PYY: variants seen among roughly 807,000 people sequenced by gnomAD.
The protein encoded by PYY is peptide tyrosine tyrosine.
PYY carries 12 observed loss-of-function variants against 10.3 expected under a neutral mutation model. The ratio of observed to expected loss-of-function variants is 1.17; its 90% CI spans 0.75 to 1.89. PYY has a LOEUF of 1.89. Among genes scored for constraint, PYY ranks in the 40% most tolerant of loss-of-function variants. The pLI is 0.00. For missense variants in PYY, 141 were observed against 134.0 expected (o/e 1.05, Z -0.26); for synonymous variants, 66 against 62.0 (o/e 1.06, Z -0.30).
intron 1 of PYY, among the ~76,000 whole-genome samples, chr17:43,988,436 G>A (rs1215550912): frequency 3.3e-5 from 5 of 152,106 alleles, no homozygotes; most frequent in African/African-American, 1.2e-4. Flanking sequence ...AGACCACCTC[G>A]CTTTGCCAGG....
In PYY at chr17:44,001,402, G is replaced by A. The variant is rs189619402; in HGVS notation, c.-463+2989C>T. Among the ~76,000 whole-genome samples the A allele has an allele frequency of 1.7e-3, 257 of 152,210 alleles. 2 individuals carry two copies. Among genetic ancestry groups the A allele is most frequent in the Non-Finnish European group, 2.7e-3 (187 of 68,016 alleles). ...AACAAAATAACACCCACCTTTAAAG[G>A]AAGAAAAATGTGAGCTGGACCCATA... On this transcript the variant is annotated intron_variant, in intron 1 of 6. Transcript: ENST00000360085.
In PYY at chr17:44,002,192, T is replaced by TC. The variant is rs1027571011; in HGVS notation, c.-463+2198dup. ...CAGCCCCTCCTTCCACTACAGAGTC[T>TC]CCCCCCCGGGACAGTGTGTCCGAGG... is the stretch of plus-strand genomic sequence containing the variant. On this transcript the variant is annotated intron_variant, in intron 1 of 6. Transcript: ENST00000360085. Among the ~76,000 whole-genome samples, 91 of 151,896 alleles carry TC rather than the reference T, an allele frequency of 6.0e-4. No homozygotes were observed. In the Middle Eastern group the frequency reaches 0.017, roughly 28 times the overall value.
intron 1 of PYY, among the ~76,000 whole-genome samples, chr17:43,975,575 T>C (rs1183586853): frequency 6.6e-6 from 1 of 151,200 alleles, no homozygotes; most frequent in African/African-American, 2.4e-5. Context: ...ATAAAATAGC[T>C]GAGTATTGTA....
chr17:44,001,031 A>G (rs531530792), intron 1 of PYY, among the ~76,000 whole-genome samples: 23 of 152,168 alleles, frequency 1.5e-4, no homozygotes, highest in African/African-American at 5.3e-4. Context: ...GTGTCTACAC[A>G]TCGTTTATCT....
chr17:43,984,221 C>G (rs1464774130), intron 1 of PYY, among the ~76,000 whole-genome samples: 1 of 152,210 alleles, frequency 6.6e-6, no homozygotes, highest in Non-Finnish European at 1.5e-5. Flanking sequence ...CTGCTCCTTT[C>G]CCCTCTGCGC....
intron 1 of PYY, among the ~76,000 whole-genome samples, chr17:43,995,712 T>C (rs893871338): frequency 5.9e-5 from 9 of 151,310 alleles, no homozygotes; most frequent in Non-Finnish European, 1.3e-4. Flanking sequence ...CAGGCGCCTG[T>C]AGTCCCAGCT....
At chr17:43,997,533 G>A (rs3964442) in intron 1 of PYY, among the ~76,000 whole-genome samples, 7,848 of 152,162 alleles carry the variant, frequency 0.052, 259 homozygotes, top group East Asian at 0.11. Context: ...GAGGGGCAGG[G>A]GCAGTAGGAA....
intron 1 of PYY, among the ~76,000 whole-genome samples, chr17:43,997,579 T>G (rs1487339915): frequency 6.6e-6 from 1 of 152,062 alleles, no homozygotes; most frequent in Non-Finnish European, 1.5e-5. Flanking sequence ...TCACAAGGAC[T>G]TCGACTTTTA....
intron 2 of PYY, among the ~76,000 whole-genome samples, chr17:43,963,584 A>AAGAAAG (rs2048729909): frequency 1.2e-5 from 1 of 80,860 alleles, no homozygotes; most frequent in Non-Finnish European, 2.8e-5. Flanking sequence ...GAAAGAAAGA[A>AAGAAAG]AGAAAGAAAG....
At chr17:43,997,239 C>T (rs2048997661) in intron 1 of PYY, among the ~76,000 whole-genome samples, 1 of 151,950 alleles carries the variant, frequency 6.6e-6, no homozygotes, top group Non-Finnish European at 1.5e-5. Flanking sequence ...CAGGATTTCA[C>T]CATACTGGCC....
intron 1 of PYY, among the ~76,000 whole-genome samples, chr17:43,993,669 G>T (rs915132112): frequency 6.6e-6 from 1 of 151,378 alleles, no homozygotes; most frequent in Non-Finnish European, 1.5e-5. Context: ...TGAAAAATCA[G>T]AAAAATTAAT....
In PYY at chr17:43,963,565, G is replaced by A. The variant is rs370511900; in HGVS notation, c.-218+2723C>T. On this transcript the variant is annotated intron_variant, in intron 2 of 6. Coordinates refer to the PYY transcript ENST00000360085. ...GAAGGAAGGGAAGGAAGGAAGGAAG[G>A]AAGGAAAAGAAAGAAAGAAAGAAAG... Among the ~76,000 whole-genome samples the A allele has an allele frequency of 5.1e-4, 49 of 97,000 alleles. No homozygotes were observed. The South Asian group carries it at 0.012, about 23-fold the overall frequency. The allele number at this position is 97,000 out of a possible 152,430, so 63.6% of individuals were successfully genotyped here.
chr17:43,976,211 G>GTATATGTA (rs2048838639), intron 1 of PYY, among the ~76,000 whole-genome samples: 1 of 125,270 alleles, frequency 8.0e-6, no homozygotes, highest in Admixed American at 8.1e-5. Context: ...ATACATATAC[G>GTATATGTA]TATATGTATA....
At position 43,987,354 on chromosome 17, in the gene PYY, T is replaced by C. The variant is rs2048922362; in HGVS notation, c.-463+17037A>G. 6.6e-6 allele frequency among the ~76,000 whole-genome samples: 1 copy of C among 152,190 alleles called. No individual in the cohort carries two copies. The highest frequency in any genetic ancestry group is 2.1e-4 in the South Asian group (1 of 4,834). On this transcript the variant is annotated intron_variant, in intron 1 of 6. Coordinates refer to the PYY transcript ENST00000360085. The surrounding 1 kb of genome is among the most constrained non-coding windows in gnomAD (Gnocchi z 4.0). ...TCAGAAGCAGCTGCCTCCAGGACTCTAGCCCTGTCTCCCCAGCCCTATTCC... is the reference window on the plus strand; with the variant it reads ...TCAGAAGCAGCTGCCTCCAGGACTCCAGCCCTGTCTCCCCAGCCCTATTCC...
intron 1 of PYY, among the ~76,000 whole-genome samples, chr17:43,981,559 A>G (rs2048884020): frequency 6.6e-6 from 1 of 151,772 alleles, no homozygotes; most frequent in Non-Finnish European, 1.5e-5. Context: ...GCGTGATCTC[A>G]GCTCACTGCA....
chr17:43,973,755 T>G (rs2048811077), intron 1 of PYY, among the ~76,000 whole-genome samples: 1 of 152,120 alleles, frequency 6.6e-6, no homozygotes, highest in Non-Finnish European at 1.5e-5. Flanking sequence ...AGATCGTGCC[T>G]CTGCACTCCA....
chr17:43,979,720 G>A (rs1267063401), intron 1 of PYY, among the ~76,000 whole-genome samples: 3 of 150,656 alleles, frequency 2.0e-5, no homozygotes, highest in Admixed American at 6.7e-5. Context: ...CATATCCTGC[G>A]CAATCAGAAG....
At chr17:43,960,555 A>AAAC (rs55855201) in intron 2 of PYY, among the ~76,000 whole-genome samples, 1 of 143,628 alleles carries the variant, frequency 7.0e-6, no homozygotes, top group Non-Finnish European at 1.5e-5. Context: ...AAAAAAAAAA[A>AAAC]CAATATTCAT....
At chr17:43,955,798 C>T (rs1026434677), upstream of PYY, among the ~76,000 whole-genome samples, 1 of 152,028 alleles carries the variant, frequency 6.6e-6, no homozygotes, top group African/African-American at 2.4e-5. Context: ...TTCCATTCCT[C>T]CATGGAAAGA....
Sources: gnomAD v4.1 joint callset for allele counts (sites outside exome capture counted in the v4.1 genomes callset) on GRCh38, gnomAD v4.1.1 for gene constraint, Gnocchi (gnomAD v3.1) non-coding constraint, MANE v1.5 for transcripts, NCBI Gene and HGNC (gene_info 2026-07-23, HGNC 2026-07-21) for gene names.